NTM: variants seen among roughly 807,000 people sequenced by gnomAD.
The protein encoded by NTM is neurotrimin.
Under a neutral mutation model 42.1 loss-of-function variants are expected in NTM, and 13 were observed. That is an observed-to-expected ratio of 0.31 (90% CI 0.20 to 0.49). The LOEUF (loss-of-function observed/expected upper bound fraction) is 0.49, where lower values mean the gene tolerates loss of function less well. Ranked by LOEUF, NTM falls within the 20% of genes least tolerant of loss-of-function variation. The pLI, the probability that NTM is intolerant of heterozygous loss-of-function variation, is 0.99. For missense variants in NTM, 373 were observed against 452.8 expected, an observed-to-expected ratio of 0.82 and a Z score of 1.60; for synonymous variants, 187 against 179.2, an observed-to-expected ratio of 1.04 and a Z score of -0.35.
intron 2 of NTM, among the ~76,000 whole-genome samples, chr11:131,942,091 A>G (rs575105965): frequency 1.3e-5 from 2 of 152,332 alleles, no homozygotes; most frequent in African/African-American, 4.8e-5. Flanking sequence ...AAATGAAAGA[A>G]GTTGTCATAT....
At position 131,506,530 on chromosome 11, in the gene NTM, G is replaced by A. The variant is rs182870801; in HGVS notation, c.82+135642G>A. Among the ~76,000 whole-genome samples the A allele has an allele frequency of 1.8e-3, 274 of 152,278 alleles. 1 individual carries two copies. The highest frequency in any genetic ancestry group is 6.3e-3 in the African/African-American group (261 of 41,564). On this transcript the variant is annotated intron_variant, in intron 1 of 8. Transcript: ENST00000683400. ...TGTCAACTCACTCTGAGGAGGAGGCGGCCACAGGGAGAGGTGGCTGCTTCC... is the reference window on the plus strand; with the variant it reads ...TGTCAACTCACTCTGAGGAGGAGGCAGCCACAGGGAGAGGTGGCTGCTTCC...
chr11:131,548,820 A>ACC (rs954658110), intron 1 of NTM, among the ~76,000 whole-genome samples: 1 of 152,174 alleles, frequency 6.6e-6, no homozygotes, highest in African/African-American at 2.4e-5. Flanking sequence ...TCCACTATGA[A>ACC]CCAAATATTT....
chr11:132,012,773 C>T (rs867465124), intron 2 of NTM, among the ~76,000 whole-genome samples: 2 of 152,010 alleles, frequency 1.3e-5, no homozygotes, highest in South Asian at 4.2e-4. Flanking sequence ...GTGCTGTAGC[C>T]CATCACAGAG....
At chr11:131,924,306 G>A (rs896323092) in intron 2 of NTM, among the ~76,000 whole-genome samples, 3 of 152,148 alleles carry the variant, frequency 2.0e-5, no homozygotes, top group Non-Finnish European at 4.4e-5. Flanking sequence ...CTGTCCCAAC[G>A]CATCATGTGG....
At chr11:132,308,384 C>A (rs761466022) in intron 5 of NTM, among the ~76,000 whole-genome samples, 2 of 152,128 alleles carry the variant, frequency 1.3e-5, no homozygotes, top group Non-Finnish European at 2.9e-5. Flanking sequence ...AATAGAGATA[C>A]AGAATCCAAA....
At chr11:131,530,735 C>T (rs1041562578) in intron 1 of NTM, among the ~76,000 whole-genome samples, 6 of 152,180 alleles carry the variant, frequency 3.9e-5, no homozygotes, top group African/African-American at 1.4e-4. Flanking sequence ...GGGCCAACGA[C>T]CCCCTTAACC....
chr11:132,012,458 G>T (rs2072426165), intron 2 of NTM, among the ~76,000 whole-genome samples: 1 of 152,138 alleles, frequency 6.6e-6, no homozygotes, highest in African/African-American at 2.4e-5. Context: ...CTGAAATAAT[G>T]AGGTTATCGC....
chr11:131,431,534 T>C (rs1948651253), intron 1 of NTM, among the ~76,000 whole-genome samples: 1 of 152,198 alleles, frequency 6.6e-6, no homozygotes, highest in South Asian at 2.1e-4. Context: ...CCCAGGCCAG[T>C]GATCTGCTTA....
intron 2 of NTM, among the ~76,000 whole-genome samples, chr11:131,995,183 C>T (rs1003736628): frequency 6.6e-6 from 1 of 152,170 alleles, no homozygotes; most frequent in African/African-American, 2.4e-5. Flanking sequence ...GGGTTATGAT[C>T]TAAGCACTTA....
rs151156960 is a variant in NTM, at chr11:132,065,353, A to G, written c.168-80929A>G. ...TGGCTAGTTTTCTGTCTCCTCAAAC[A>G]TCATCTCAGGGCAAAAAGGCACAGC... is the stretch of plus-strand genomic sequence containing the variant. On this transcript the variant is annotated intron_variant, in intron 2 of 8. Transcript: ENST00000683400. Among the ~76,000 whole-genome samples, 535 of 152,244 alleles carry G rather than the reference A, an allele frequency of 3.5e-3. 5 individuals are homozygous for G. The highest frequency in any genetic ancestry group is 0.012 in the African/African-American group (506 of 41,544).
rs187206152 is a variant in NTM at position 131,951,408 on chromosome 11, T to A, written c.167+39760T>A. 3.3e-5 allele frequency among the ~76,000 whole-genome samples: 5 copies of A among 152,290 alleles called. No homozygotes were observed. In the East Asian group the frequency reaches 9.7e-4, roughly 29 times the overall value. ...TGAAAAGCTGGTTTGGAGGCAGTGT[T>A]ACTGCCTTTCACTTGACAGCCTTCT... On this transcript the variant is annotated intron_variant, in intron 2 of 8. Coordinates refer to ENST00000683400, the MANE Select transcript of NTM (RefSeq NM_001352005.2).
chr11:132,233,880 C>T (rs753986643), intron 4 of NTM, among the ~76,000 whole-genome samples: 24 of 152,260 alleles, frequency 1.6e-4, no homozygotes, highest in Non-Finnish European at 2.4e-4. Context: ...ATAGTTCTCA[C>T]ATCCATTCCA....
At chr11:131,934,913 G>A (rs1389585953) in intron 2 of NTM, among the ~76,000 whole-genome samples, 1 of 152,222 alleles carries the variant, frequency 6.6e-6, no homozygotes, top group Non-Finnish European at 1.5e-5. Flanking sequence ...GAGGTCATCA[G>A]AGTGTTTCCA....
At chr11:132,320,415 G>A (rs531683396) in intron 7 of NTM, among the ~76,000 whole-genome samples, 5 of 152,272 alleles carry the variant, frequency 3.3e-5, no homozygotes, top group South Asian at 2.1e-4. Flanking sequence ...AAAGGGTGAC[G>A]GATGGCACCT....
intron 2 of NTM, among the ~76,000 whole-genome samples, chr11:131,966,585 C>G (rs1024996506): frequency 5.3e-5 from 8 of 152,092 alleles, no homozygotes; most frequent in Admixed American, 1.3e-4. Flanking sequence ...GAAATAAATT[C>G]CAGGCAGAAG....
chr11:132,171,628 T>C (rs2076133954), intron 3 of NTM, among the ~76,000 whole-genome samples: 1 of 152,226 alleles, frequency 6.6e-6, no homozygotes, highest in Non-Finnish European at 1.5e-5. Flanking sequence ...ACATTAACAT[T>C]CATTCCATTG....
intron 2 of NTM, among the ~76,000 whole-genome samples, chr11:132,011,480 G>A (rs1413350441): frequency 1.3e-5 from 2 of 152,102 alleles, no homozygotes; most frequent in East Asian, 1.9e-4. Context: ...CATTTGTTAC[G>A]TAGTTTCTTC....
chr11:132,277,137 C>T (rs1320746258), intron 4 of NTM, among the ~76,000 whole-genome samples: 2 of 152,206 alleles, frequency 1.3e-5, no homozygotes, highest in East Asian at 3.9e-4. Flanking sequence ...TCTGTAATCC[C>T]TTTTATTACT....
chr11:132,034,298 T>G (rs2076255142), intron 2 of NTM, among the ~76,000 whole-genome samples: 1 of 152,232 alleles, frequency 6.6e-6, no homozygotes, highest in Non-Finnish European at 1.5e-5. Context: ...CTTTCCTGCC[T>G]GCCCAGAGAT....
Sources: allele counts gnomAD v4.1 joint callset (sites outside exome capture counted in the v4.1 genomes callset), GRCh38; gene constraint gnomAD v4.1.1; transcripts MANE v1.5; gene names NCBI Gene and HGNC (gene_info 2026-07-23, HGNC 2026-07-21).